The following OXNAD1 variants were observed in gnomAD, a reference collection of about 807,000 sequenced individuals.
OXNAD1 encodes the protein oxidoreductase NAD binding domain containing 1, also known as oxidoreductase NAD-binding domain-containing protein 1.
In OXNAD1, 34 loss-of-function variants were observed where a neutral mutation model predicts 32.9. The ratio of observed to expected loss-of-function variants is 1.03; its 90% CI spans 0.79 to 1.38. The LOEUF (loss-of-function observed/expected upper bound fraction) is 1.38, where lower values mean the gene tolerates loss of function less well. OXNAD1 is among the 40% of genes most tolerant of loss of function. The pLI, the probability that OXNAD1 is intolerant of heterozygous loss-of-function variation, is 0.00. For synonymous variants in OXNAD1, 134 were observed against 135.2 expected (o/e 0.99, Z 0.06); for missense variants, 407 against 379.4 (o/e 1.07, Z -0.60).
At chr3:16,296,147 C>T (rs995844658) in intron 6 of OXNAD1, among the ~76,000 whole-genome samples, 1 of 152,224 alleles carries the variant, frequency 6.6e-6, no homozygotes. Flanking sequence ...CAAAGAATCA[C>T]ACAGGCAAAT....
Position 16,271,817 on chromosome 3 carries a change from C to A in OXNAD1, c.183+95C>A, listed in dbSNP as rs548888143. 3.9e-6 allele frequency: 4 copies of A among 1,029,154 alleles called. No individual in the cohort carries two copies. Among genetic ancestry groups the A allele is most frequent in the Non-Finnish European group, 5.7e-6 (4 of 702,480 alleles). The allele number at this position is 1,029,154 out of a possible 1,614,324, so 63.8% of individuals were successfully genotyped here. A position where few individuals can be genotyped will look rare whatever the true frequency, so the allele number is the denominator to read the frequency against. On this transcript the variant is annotated intron_variant, in intron 4 of 8. Transcript: ENST00000285083. The surrounding 1 kb of genome is among the most constrained non-coding windows in gnomAD (Gnocchi z 4.6). ...GGTAAAGCATTAGATGAGTCTGGTC[C>A]TTTTGAAGGAGAGTTGGGAAGTTTG... is the stretch of plus-strand genomic sequence containing the variant.
In OXNAD1 at chr3:16,335,570, A is replaced by C. The variant is rs1418535549; in HGVS notation, c.*31-1542A>C. 2.0e-5 allele frequency among the ~76,000 whole-genome samples: 3 copies of C among 152,164 alleles called. No homozygotes were observed. Among genetic ancestry groups the C allele is most frequent in the Admixed American group, 6.5e-5 (1 of 15,268 alleles). ...AGTGGGAGAGCTGAACGGTGAAAACACATGTGAAAACACATGGACACATGG... is the reference window on the plus strand; with the variant it reads ...AGTGGGAGAGCTGAACGGTGAAAACCCATGTGAAAACACATGGACACATGG... On this transcript the variant is annotated intron_variant, in intron 9 of 9. Coordinates refer to the OXNAD1 transcript ENST00000435829. The surrounding 1 kb of genome is among the most constrained non-coding windows in gnomAD (Gnocchi z 4.7).
chr3:16,268,109 A>G (rs2064666538), intron 1 of OXNAD1, among the ~76,000 whole-genome samples: 1 of 152,186 alleles, frequency 6.6e-6, no homozygotes. Context: ...GGTTGATTAA[A>G]TGCTTACAGT....
chr3:16,271,769 C>T lies in OXNAD1; in HGVS notation c.183+47C>T. ...CAGGTTTTTCCAGCTAGACCGTTTA[C>T]ATGTGGTTATGACTGGCTTATGGGT... On this transcript the variant is annotated intron_variant, in intron 4 of 8. Transcript: ENST00000285083. This position sits in a 1 kb window ranked among gnomAD's most constrained non-coding sequence, Gnocchi z 4.6. 6.6e-7 allele frequency: 1 copy of T among 1,526,110 alleles called. No individual in the cohort carries two copies. The highest frequency in any genetic ancestry group is 1.2e-5 in the South Asian group (1 of 84,186). The allele number at this position is 1,526,110 out of a possible 1,614,324, so 94.5% of individuals were successfully genotyped here. A position where few individuals can be genotyped will look rare whatever the true frequency, so the allele number is the denominator to read the frequency against.
In OXNAD1 at chr3:16,303,521, C is replaced by T. The variant is rs201805731; in HGVS notation, c.898C>T (p.His300Tyr). ...DFFSKQLENN[H>Y]VPKEHICFEK... ...TTTCTCCAAGCAACTGGAAAACAAC[C>T]ATGTACCCAAAGAACACATTTGCTT... The change falls in exon 9 of 9, where the codon CAT becomes TAT. Residue 300 changes from histidine to tyrosine, a missense_variant. Transcript: ENST00000285083. The surrounding 1 kb of genome is among the most constrained non-coding windows in gnomAD (Gnocchi z 4.8). The T allele has an allele frequency of 6.2e-6, 10 of 1,614,022 alleles. No homozygotes were observed. In the African/African-American group the frequency reaches 8.0e-5, roughly 13 times the overall value.
intron 9 of OXNAD1, among the ~76,000 whole-genome samples, chr3:16,324,713 TCATC>T (rs1553718195): frequency 2.1e-5 from 3 of 144,608 alleles, no homozygotes; most frequent in East Asian, 2.0e-4. Context: ...CACATTTTCT[TCATC>T]CATCTGATGA....
chr3:16,272,389 C>T (rs2065010629), intron 4 of OXNAD1: 1 of 225,880 alleles, frequency 4.4e-6, no homozygotes, highest in Non-Finnish European at 9.1e-6. Flanking sequence ...GAATGTTTAT[C>T]ACTTACTCAG....
rs1270174019 is a variant in OXNAD1, at chr3:16,329,902, C to G, written c.*31-7210C>G. Among the ~76,000 whole-genome samples, 2 of 152,152 alleles carry G rather than the reference C, an allele frequency of 1.3e-5. No individual in the cohort carries two copies. The highest frequency in any genetic ancestry group is 4.8e-5 in the African/African-American group (2 of 41,428). On this transcript the variant is annotated intron_variant, in intron 9 of 9. Transcript: ENST00000435829. The surrounding 1 kb of genome is among the most constrained non-coding windows in gnomAD (Gnocchi z 4.5). Reference sequence around the variant, plus strand: ...GGCTGCATCTCGGGCCAGGTTTTCTCTGCGGGCACCCAGAGCTGCGAGACA... The same window carrying G: ...GGCTGCATCTCGGGCCAGGTTTTCTGTGCGGGCACCCAGAGCTGCGAGACA...
intron 9 of OXNAD1, among the ~76,000 whole-genome samples, chr3:16,343,656 A>G (rs184893026): frequency 6.6e-6 from 1 of 152,370 alleles, no homozygotes; most frequent in Admixed American, 6.5e-5. Flanking sequence ...AAATTTGGTC[A>G]AAGATATCTG....
chr3:16,290,452 C>T lies in OXNAD1; in HGVS notation c.290+4004C>T, dbSNP rs144337774. 6.6e-6 allele frequency among the ~76,000 whole-genome samples: 1 copy of T among 152,100 alleles called. No individual in the cohort carries two copies. Among genetic ancestry groups the T allele is most frequent in the Non-Finnish European group, 1.5e-5 (1 of 68,020 alleles). Reference sequence around the variant, plus strand: ...GTTACTAGAGAAGAGGGTTGGTTCCCTTTCATTCAACTGAGAGAATGGCCT... The same window carrying T: ...GTTACTAGAGAAGAGGGTTGGTTCCTTTTCATTCAACTGAGAGAATGGCCT... On this transcript the variant is annotated intron_variant, in intron 5 of 8. Coordinates refer to ENST00000285083, the MANE Select transcript of OXNAD1 (RefSeq NM_138381.5). The surrounding 1 kb of genome is among the most constrained non-coding windows in gnomAD (Gnocchi z 4.2).
At chr3:16,330,133 CA>C (rs2070163364) in intron 9 of OXNAD1, among the ~76,000 whole-genome samples, 1 of 152,172 alleles carries the variant, frequency 6.6e-6, no homozygotes, top group Non-Finnish European at 1.5e-5. Context: ...AGGGAAAACA[CA>C]ACAAAACAAC....
At position 16,301,607 on chromosome 3, in the gene OXNAD1, C is replaced by A; in HGVS notation, c.433-19C>A. ...CCTTTGCTACAAAAGACTAAAAGGTCTTTTCTTTCCTGCCTTAGTGTACAC... is the reference window on the plus strand; with the variant it reads ...CCTTTGCTACAAAAGACTAAAAGGTATTTTCTTTCCTGCCTTAGTGTACAC... On this transcript the variant is annotated intron_variant, in intron 6 of 8. Coordinates refer to ENST00000285083, the MANE Select transcript of OXNAD1 (RefSeq NM_138381.5). The surrounding 1 kb of genome is among the most constrained non-coding windows in gnomAD (Gnocchi z 4.1). The A allele has an allele frequency of 6.2e-7, 1 of 1,612,920 alleles. No individual in the cohort carries two copies. Among genetic ancestry groups the A allele is most frequent in the Non-Finnish European group, 8.5e-7 (1 of 1,179,368 alleles).
chr3:16,292,731 C>T (rs2066513644), intron 5 of OXNAD1, among the ~76,000 whole-genome samples: 1 of 152,096 alleles, frequency 6.6e-6, no homozygotes, highest in African/African-American at 2.4e-5. Flanking sequence ...CAAATTCATT[C>T]TTTGTATGTG....
Position 16,322,395 on chromosome 3 carries a change from A to G in OXNAD1, c.*31-14717A>G, listed in dbSNP as rs2069170543. ...GTTCATTTACTTGATGCTCCTTCCC[A>G]GGGCTCTGTGTCCAAAGAACATGAG... On this transcript the variant is annotated intron_variant, in intron 9 of 9. Coordinates refer to the OXNAD1 transcript ENST00000435829. This position sits in a 1 kb window ranked among gnomAD's most constrained non-coding sequence, Gnocchi z 6.2. Among the ~76,000 whole-genome samples the G allele has an allele frequency of 6.6e-6, 1 of 152,184 alleles. No individual in the cohort carries two copies. The highest frequency in any genetic ancestry group is 2.4e-5 in the African/African-American group (1 of 41,452).
At position 16,280,896 on chromosome 3, in the gene OXNAD1, A is replaced by G. The variant is rs1204455079; in HGVS notation, c.184-5446A>G. Reference sequence around the variant, plus strand: ...TTTACTGAACACTGGAAAAGCATAAATGTTGTTTTATGGAAAACTTCATTT... The same window carrying G: ...TTTACTGAACACTGGAAAAGCATAAGTGTTGTTTTATGGAAAACTTCATTT... On this transcript the variant is annotated intron_variant, in intron 4 of 8. Coordinates refer to ENST00000285083, the MANE Select transcript of OXNAD1 (RefSeq NM_138381.5). This position sits in a 1 kb window ranked among gnomAD's most constrained non-coding sequence, Gnocchi z 4.5. Among the ~76,000 whole-genome samples the G allele has an allele frequency of 2.0e-5, 3 of 152,200 alleles. No homozygotes were observed. Among genetic ancestry groups the G allele is most frequent in the Non-Finnish European group, 2.9e-5 (2 of 68,034 alleles).
At chr3:16,343,614 CAGGG>C (rs1559840522) in intron 9 of OXNAD1, among the ~76,000 whole-genome samples, 2 of 152,216 alleles carry the variant, frequency 1.3e-5, no homozygotes, top group Non-Finnish European at 1.5e-5. Flanking sequence ...CTGAAGAAAA[CAGGG>C]AGAAGTCCTT....
chr3:16,308,371 AT>A (rs1457245149), downstream of OXNAD1, among the ~76,000 whole-genome samples: 2 of 151,950 alleles, frequency 1.3e-5, no homozygotes, highest in Non-Finnish European at 2.9e-5. The surrounding 1 kb of genome is among the most constrained non-coding windows in gnomAD (Gnocchi z 4.4). Flanking sequence ...GGGTAGGAGG[AT>A]TGTTATATGG....
rs372754594 is a variant in OXNAD1 at position 16,301,775 on chromosome 3, C to T, written c.582C>T (p.Leu194=). ...CCATCCTGCGGCACGCAGCAGATCT[C>T]CTCAGAGAGCAGGCAAACAAAAGAA... ...LLSILRHAAD[L]LREQANKRNG... Residue 194 remains leucine (L), a synonymous_variant, in exon 7 of 9, where the codon CTC becomes CTT. Transcript: ENST00000285083. This position sits in a 1 kb window ranked among gnomAD's most constrained non-coding sequence, Gnocchi z 4.1. The T allele has an allele frequency of 1.2e-5, 19 of 1,613,910 alleles. No individual in the cohort carries two copies. The highest frequency in any genetic ancestry group is 2.7e-5 in the African/African-American group (2 of 74,910).
At chr3:16,331,804 G>A (rs1301829346) in intron 9 of OXNAD1, among the ~76,000 whole-genome samples, 2 of 152,170 alleles carry the variant, frequency 1.3e-5, no homozygotes, top group Admixed American at 6.5e-5. Context: ...ACATCCTGTA[G>A]TGACTCTCTA....
Sources: allele counts gnomAD v4.1 joint callset (sites outside exome capture counted in the v4.1 genomes callset), GRCh38; gene constraint gnomAD v4.1.1; non-coding constraint Gnocchi (gnomAD v3.1); transcripts MANE v1.5; gene names NCBI Gene and HGNC (gene_info 2026-07-23, HGNC 2026-07-21).